Variants in CDK6 observed in about 807,000 individuals in gnomAD.
CDK6 encodes the protein cyclin-dependent kinase 6.
A neutral mutation model predicts 37.1 loss-of-function variants in CDK6; 6 were observed. That is an observed-to-expected ratio of 0.16 (90% CI 0.09 to 0.32). CDK6 has a LOEUF of 0.32. CDK6 is among the 10% of genes least tolerant of loss of function. CDK6 has a pLI of 1.00. For synonymous variants in CDK6, 160 were observed against 161.3 expected, an observed-to-expected ratio of 0.99 and a Z score of 0.06; for missense variants, 224 against 418.9, an observed-to-expected ratio of 0.53 and a Z score of 4.06.
intron 3 of CDK6, among the ~76,000 whole-genome samples, chr7:92,767,396 G>A (rs1799609440): frequency 6.6e-6 from 1 of 152,132 alleles, no homozygotes; most frequent in Non-Finnish European, 1.5e-5. Flanking sequence ...TTGGAGCAGA[G>A]GGAAACAAAT....
chr7:92,753,596 G>A (rs901661118), intron 3 of CDK6, among the ~76,000 whole-genome samples: 1 of 152,052 alleles, frequency 6.6e-6, no homozygotes, highest in African/African-American at 2.4e-5. Context: ...GGGTTCAAGC[G>A]ATTCTCCTGC....
chr7:92,766,636 C>T (rs969735572), intron 3 of CDK6, among the ~76,000 whole-genome samples: 1 of 151,792 alleles, frequency 6.6e-6, no homozygotes, highest in African/African-American at 2.4e-5. Flanking sequence ...GGAAGAAGAG[C>T]CAAAAAAAGA....
In CDK6 at chr7:92,605,271, C is replaced by G; in HGVS notation, c.*9869G>C. ...AGCACCCAGTAAGACATCCAGTTTC[C>G]AAAGGATTATTGGTATGCAACCCTC... On this transcript the variant is annotated 3_prime_UTR_variant, in exon 8 of 8. Coordinates refer to ENST00000424848, the MANE Select transcript of CDK6 (RefSeq NM_001145306.2). 4.3e-6 allele frequency: 1 copy of G among 233,326 alleles called. No homozygotes were observed. The highest frequency in any genetic ancestry group is 8.5e-6 in the Non-Finnish European group (1 of 117,898). The allele number at this position is 233,326 out of a possible 1,614,324, so 14.5% of individuals were successfully genotyped here.
intron 3 of CDK6, among the ~76,000 whole-genome samples, chr7:92,762,497 T>G (rs1799480096): frequency 6.6e-6 from 1 of 152,160 alleles, no homozygotes; most frequent in Non-Finnish European, 1.5e-5. Context: ...ACTTAAATAT[T>G]AACATATGAT....
rs901127984 is a variant in CDK6, at chr7:92,609,141, A to G, written c.*5999T>C. On this transcript the variant is annotated 3_prime_UTR_variant, in exon 8 of 8. Coordinates refer to ENST00000424848, the MANE Select transcript of CDK6 (RefSeq NM_001145306.2). ...ACTGAGACTCATCTGCTTGCCACTCAGGAGGAAAGTTGGGCAGGCACCGTC... is the reference window on the plus strand; with the variant it reads ...ACTGAGACTCATCTGCTTGCCACTCGGGAGGAAAGTTGGGCAGGCACCGTC... The G allele has an allele frequency of 1.7e-5, 4 of 232,704 alleles. No homozygotes were observed. The highest frequency in any genetic ancestry group is 3.4e-5 in the Non-Finnish European group (4 of 117,832). 14.4% of individuals were successfully genotyped at this position (232,704 alleles called of 1,614,324 possible).
chr7:92,670,700 C>T (rs183124663), intron 5 of CDK6, among the ~76,000 whole-genome samples: 18 of 152,298 alleles, frequency 1.2e-4, no homozygotes, highest in Admixed American at 5.9e-4. Flanking sequence ...ATCTAGCCTA[C>T]GCACCAACCC....
intron 4 of CDK6, among the ~76,000 whole-genome samples, chr7:92,719,117 A>G (rs1798305424): frequency 6.6e-6 from 1 of 152,170 alleles, no homozygotes; most frequent in Non-Finnish European, 1.5e-5. Context: ...CAGGAAGGGG[A>G]TGTAAGTAAT....
At chr7:92,645,044 T>C (rs534517332) in intron 5 of CDK6, among the ~76,000 whole-genome samples, 34 of 152,240 alleles carry the variant, frequency 2.2e-4, no homozygotes, top group African/African-American at 8.2e-4. Flanking sequence ...GGAAAGCAAA[T>C]TGTTCACCCC....
intron 2 of CDK6, among the ~76,000 whole-genome samples, chr7:92,830,543 C>T (rs1336755967): frequency 6.6e-6 from 1 of 152,160 alleles, no homozygotes; most frequent in Non-Finnish European, 1.5e-5. Flanking sequence ...GGGGACCCAA[C>T]TTTGACAACT....
Position 92,788,407 on chromosome 7 carries a change from T to C in CDK6, c.234-13576A>G, listed in dbSNP as rs114361229. 8.0e-3 allele frequency among the ~76,000 whole-genome samples: 1,219 copies of C among 152,318 alleles called. 17 individuals are homozygous for C. The highest frequency in any genetic ancestry group is 0.028 in the African/African-American group (1,163 of 41,570). On this transcript the variant is annotated intron_variant, in intron 2 of 7. Transcript: ENST00000424848. The stretch of plus-strand genomic sequence containing the variant: ...TCTGGTTGTCCCATGTAAGTGAATA[T>C]TTTAGATAATTGATTCTTACCCATC...
chr7:92,820,010 C>G (rs1269021860), intron 2 of CDK6, among the ~76,000 whole-genome samples: 1 of 151,880 alleles, frequency 6.6e-6, no homozygotes, highest in Non-Finnish European at 1.5e-5. Context: ...CGAAGCAAAT[C>G]TGCACTTAGA....
chr7:92,691,119 T>C (rs1797591993), intron 4 of CDK6, among the ~76,000 whole-genome samples: 1 of 152,258 alleles, frequency 6.6e-6, no homozygotes. Flanking sequence ...AGAAGACATT[T>C]ATTGTAGTAT....
At chr7:92,826,531 T>C (rs577653589) in intron 2 of CDK6, among the ~76,000 whole-genome samples, 1 of 152,134 alleles carries the variant, frequency 6.6e-6, no homozygotes, top group South Asian at 2.1e-4. Flanking sequence ...GTAATAGAGG[T>C]GGATGGCAAG....
rs1801596680 is a variant in CDK6, at chr7:92,834,601, G to A, written c.-367-911C>T. Among the ~76,000 whole-genome samples the A allele has an allele frequency of 6.7e-6, 1 of 149,970 alleles. No individual in the cohort carries two copies. Among genetic ancestry groups the A allele is most frequent in the Middle Eastern group, 3.5e-3 (1 of 282 alleles). On this transcript the variant is annotated intron_variant, in intron 1 of 7. Coordinates refer to ENST00000424848, the MANE Select transcript of CDK6 (RefSeq NM_001145306.2). The surrounding 1 kb of genome is among the most constrained non-coding windows in gnomAD (Gnocchi z 4.6). ...TCCTTAAAGAATAACTTCAGGAAGG[G>A]GATAGCATAATCGCGCCTCGTCCTT...
intron 2 of CDK6, among the ~76,000 whole-genome samples, chr7:92,801,694 T>G (rs1800579792): frequency 6.6e-6 from 1 of 151,818 alleles, no homozygotes; most frequent in Admixed American, 6.6e-5. Flanking sequence ...TGATATCGGT[T>G]CACTGTCACC....
chr7:92,734,262 C>T (rs1339175819), intron 3 of CDK6, among the ~76,000 whole-genome samples: 2 of 152,088 alleles, frequency 1.3e-5, no homozygotes, highest in African/African-American at 2.4e-5. Flanking sequence ...GGGTCTGGTC[C>T]GCCTTCTCCT....
intron 4 of CDK6, among the ~76,000 whole-genome samples, chr7:92,672,160 T>TATATATACACAA (rs1210519115): frequency 2.5e-5 from 2 of 79,078 alleles, no homozygotes; most frequent in East Asian, 3.9e-4. Context: ...TATATATATA[T>TATATATACACAA]ACACATACAC....
intron 3 of CDK6, among the ~76,000 whole-genome samples, chr7:92,744,579 T>G (rs1799010948): frequency 6.6e-6 from 1 of 152,192 alleles, no homozygotes; most frequent in Non-Finnish European, 1.5e-5. Context: ...CTTTACCTAA[T>G]TTCCATTTAC....
rs541378946 is a variant in CDK6 at position 92,672,877 on chromosome 7, C to T, written c.538-1342G>A. 3.3e-5 allele frequency among the ~76,000 whole-genome samples: 5 copies of T among 152,270 alleles called. No individual in the cohort carries two copies. In the South Asian group the frequency reaches 1.0e-3, roughly 32 times the overall value. Reference sequence around the variant, plus strand: ...AGCAAGTCTCAATAAATGGCGGCTGCCATCAATTTCCTTCTCTCCTTATTT... The same window carrying T: ...AGCAAGTCTCAATAAATGGCGGCTGTCATCAATTTCCTTCTCTCCTTATTT... On this transcript the variant is annotated intron_variant, in intron 4 of 7. Transcript: ENST00000424848.
Sources: gnomAD v4.1 joint callset for allele counts (sites outside exome capture counted in the v4.1 genomes callset) on GRCh38, gnomAD v4.1.1 for gene constraint, Gnocchi (gnomAD v3.1) non-coding constraint, MANE v1.5 for transcripts, NCBI Gene and HGNC (gene_info 2026-07-23, HGNC 2026-07-21) for gene names.